The following SCARA5 variants were observed in gnomAD, a reference collection of about 807,000 sequenced individuals.
SCARA5 encodes the protein scavenger receptor class A, member 5 (putative).
Under a neutral mutation model 46.3 loss-of-function variants are expected in SCARA5, and 45 were observed. The observed-to-expected ratio is 0.97, with a 90% CI of 0.76 to 1.24. The LOEUF is 1.24. Among genes scored for constraint, SCARA5 ranks in the 50% most tolerant of loss-of-function variants. SCARA5 has a pLI of 0.00. For synonymous variants in SCARA5, 333 were observed against 306.5 expected (o/e 1.09, Z -0.90); for missense variants, 680 against 689.0 (o/e 0.99, Z 0.15).
chr8:27,907,651 C>T (rs1340648480), intron 5 of SCARA5, among the ~76,000 whole-genome samples: 1 of 146,990 alleles, frequency 6.8e-6, no homozygotes, highest in East Asian at 2.1e-4. Flanking sequence ...CTCACTACAA[C>T]CTCCGCCTCC....
chr8:27,965,340 C>T (rs1246914041), intron 3 of SCARA5, among the ~76,000 whole-genome samples: 1 of 152,246 alleles, frequency 6.6e-6, no homozygotes, highest in African/African-American at 2.4e-5. Context: ...CCCTGGGCTT[C>T]ACCCGAGGGC....
Position 27,921,972 on chromosome 8 carries a change from T to C in SCARA5, c.515A>G (p.Asp172Gly), listed in dbSNP as rs1807600532. The C allele has an allele frequency of 6.5e-7, 1 of 1,543,812 alleles. No homozygotes were observed. Among genetic ancestry groups the C allele is most frequent in the Non-Finnish European group, 8.7e-7 (1 of 1,153,464 alleles). ...CGTGTCGCTCTGCTGGCCCGTGCGG[T>C]CCCGCAGCAGGGCCACCGCCTGCTC... ...QTEQAVALLR[D>G]RTGQQSDTAQ... Residue 172 changes from aspartate to glycine, a missense_variant, in exon 4 of 9, where the codon GAC becomes GGC. Around this residue, in one of 3 missense-constraint regions of SCARA5, gnomAD observed 438 missense variants for 384.5 expected, o/e 1.14. Transcript: ENST00000354914.
intron 3 of SCARA5, among the ~76,000 whole-genome samples, chr8:27,952,125 G>T (rs1020559421): frequency 2.0e-5 from 3 of 151,906 alleles, no homozygotes; most frequent in Non-Finnish European, 4.4e-5. Flanking sequence ...AGGGAAGAAG[G>T]TTGGGTGTCG....
chr8:27,885,351 C>T (rs1257695862), intron 7 of SCARA5, among the ~76,000 whole-genome samples: 1 of 152,172 alleles, frequency 6.6e-6, no homozygotes, highest in East Asian at 1.9e-4. Flanking sequence ...GATGCCTCTT[C>T]TCCTTCCCTG....
intron 2 of SCARA5, among the ~76,000 whole-genome samples, chr8:27,975,990 T>C (rs559230030): frequency 9.2e-5 from 14 of 152,324 alleles, no homozygotes; most frequent in Non-Finnish European, 1.2e-4. Flanking sequence ...TTTCATACAA[T>C]GTGTGTTATT....
At chr8:27,984,114 T>C (rs1355412160) in intron 2 of SCARA5, among the ~76,000 whole-genome samples, 1 of 151,112 alleles carries the variant, frequency 6.6e-6, no homozygotes, top group Admixed American at 6.6e-5. Flanking sequence ...CCTCCCTGCC[T>C]GGCCCCACCC....
intron 3 of SCARA5, among the ~76,000 whole-genome samples, chr8:27,957,489 G>A (rs1808224011): frequency 6.6e-6 from 1 of 152,214 alleles, no homozygotes; most frequent in African/African-American, 2.4e-5. Context: ...GATCAGGTAG[G>A]TTGAAAAACT....
chr8:27,900,069 C>A (rs796867335), intron 7 of SCARA5, among the ~76,000 whole-genome samples: 40 of 151,758 alleles, frequency 2.6e-4, no homozygotes, highest in African/African-American at 9.7e-4. Context: ...ACCCAGGAGG[C>A]GGAGGTTGCA....
chr8:27,955,170 A>G (rs547952641), intron 3 of SCARA5, among the ~76,000 whole-genome samples: 1 of 152,292 alleles, frequency 6.6e-6, no homozygotes, highest in South Asian at 2.1e-4. Flanking sequence ...CCCTGTGACC[A>G]GTGTTACTGG....
intron 2 of SCARA5, among the ~76,000 whole-genome samples, chr8:27,973,561 G>A (rs892631677): frequency 1.3e-5 from 2 of 152,114 alleles, no homozygotes; most frequent in African/African-American, 4.8e-5. Flanking sequence ...GCCCATGCAG[G>A]TAAACTGTAG....
chr8:27,946,227 T>G (rs1808035096), intron 3 of SCARA5, among the ~76,000 whole-genome samples: 1 of 152,220 alleles, frequency 6.6e-6, no homozygotes, highest in African/African-American at 2.4e-5. Context: ...CCATGAAGTC[T>G]GCCATGTAAC....
At chr8:27,987,453 CCCA>C in intron 2 of SCARA5, 48 bp downstream of exon 2, 1 of 1,336,590 alleles carries the variant, frequency 7.5e-7, no homozygotes, top group Non-Finnish European at 1.1e-6. Context: ...GGGCTCCTTC[CCCA>C]CCCCCAGGCC....
At chr8:27,911,032 C>T (rs1807365824) in intron 4 of SCARA5, among the ~76,000 whole-genome samples, 1 of 152,196 alleles carries the variant, frequency 6.6e-6, no homozygotes, top group Non-Finnish European at 1.5e-5. Context: ...GGCTAGACAT[C>T]TCATCAGTTG....
chr8:27,912,310 C>A (rs1374178472), intron 4 of SCARA5, among the ~76,000 whole-genome samples: 2 of 152,198 alleles, frequency 1.3e-5, no homozygotes. Flanking sequence ...CTGATAACTC[C>A]CTCACACTGG....
Position 27,922,160 on chromosome 8 carries a change from C to A in SCARA5, c.327G>T (p.Gln109His). ...GCAGCGGAGCCTGCAGCAGCCGCAG[C>A]TGCAAGTCCCGGAAGCTCTCATTCA... is the stretch of plus-strand genomic sequence containing the variant. ...NRLNESFRDL[Q>H]LRLLQAPLQA... The change falls in exon 4 of 9, where the codon CAG becomes CAT. Residue 109 changes from glutamine (Q) to histidine (H), a missense_variant. Coordinates refer to ENST00000354914, the MANE Select transcript of SCARA5 (RefSeq NM_173833.6). 6.2e-7 allele frequency: 1 copy of A among 1,608,264 alleles called. No individual in the cohort carries two copies. Among genetic ancestry groups the A allele is most frequent in the Non-Finnish European group, 8.5e-7 (1 of 1,178,090 alleles).
chr8:27,873,629 A>T (rs1276208091), intron 8 of SCARA5, among the ~76,000 whole-genome samples: 1 of 149,748 alleles, frequency 6.7e-6, no homozygotes, highest in East Asian at 2.0e-4. Context: ...CCCCACCCCT[A>T]AATCCCTGCG....
intron 8 of SCARA5, among the ~76,000 whole-genome samples, chr8:27,873,868 G>A (rs576500745): frequency 3.3e-5 from 5 of 152,000 alleles, no homozygotes; most frequent in South Asian, 2.1e-4. Context: ...TAAAAACCCC[G>A]TCTCTACCCC....
At chr8:27,947,156 T>C (rs1424227461) in intron 3 of SCARA5, among the ~76,000 whole-genome samples, 2 of 151,986 alleles carry the variant, frequency 1.3e-5, no homozygotes, top group African/African-American at 4.8e-5. Context: ...GGACTATAGG[T>C]ATGCACTACC....
intron 2 of SCARA5, among the ~76,000 whole-genome samples, chr8:27,981,423 G>A (rs1808612931): frequency 6.6e-6 from 1 of 152,184 alleles, no homozygotes; most frequent in Admixed American, 6.5e-5. Flanking sequence ...AGGAGCTGTG[G>A]TCTTTGGTGG....
Sources: allele counts gnomAD v4.1 joint callset (sites outside exome capture counted in the v4.1 genomes callset), GRCh38; gene constraint gnomAD v4.1.1; regional missense constraint gnomAD v4.1.1; transcripts MANE v1.5; gene names NCBI Gene and HGNC (gene_info 2026-07-23, HGNC 2026-07-21).